The following NDST3 variants were observed in gnomAD, a reference collection of about 807,000 sequenced individuals.
NDST3 encodes bifunctional heparan sulfate N-deacetylase/N-sulfotransferase 3.
NDST3 carries 58 observed loss-of-function variants against 96.1 expected under a neutral mutation model. The observed-to-expected ratio is 0.60, with a 90% CI of 0.49 to 0.75. The LOEUF (loss-of-function observed/expected upper bound fraction) is 0.75, where lower values mean the gene tolerates loss of function less well. Among genes scored for constraint, NDST3 ranks in the 30% least tolerant of loss-of-function variants. NDST3 has a pLI of 0.00. For synonymous variants in NDST3, 333 were observed against 359.7 expected (o/e 0.93, Z 0.84); for missense variants, 788 against 1,034.2 (o/e 0.76, Z 3.27).
intron 6 of NDST3, chr4:118,193,368 G>A (rs1213378811): frequency 5.8e-6 from 3 of 514,196 alleles, no homozygotes; most frequent in African/African-American, 1.9e-5. Context: ...GGAGACGGGG[G>A]GCAGGCAGCC....
chr4:118,222,286 T>C (rs1459045613), intron 6 of NDST3, among the ~76,000 whole-genome samples: 3 of 151,972 alleles, frequency 2.0e-5, no homozygotes, highest in Non-Finnish European at 4.4e-5. Context: ...TTTTGTCAAT[T>C]ATGTTCCTTA....
At position 118,054,596 on chromosome 4, in the gene NDST3, C is replaced by T. The variant is rs1201449960; in HGVS notation, c.686C>T (p.Ala229Val). 4.3e-6 allele frequency: 7 copies of T among 1,613,150 alleles called. No homozygotes were observed. Among genetic ancestry groups the T allele is most frequent in the Non-Finnish European group, 5.9e-6 (7 of 1,179,476 alleles). The change falls in exon 2 of 14, where the codon GCC (alanine) becomes GTC (valine). Residue 229 changes from alanine (A) to valine (V), a missense_variant. Ala to Val is a moderately conservative substitution (Grantham distance 64, BLOSUM62 0). Coordinates refer to ENST00000296499, the MANE Select transcript of NDST3 (RefSeq NM_004784.3). ...ACAGTTTTTCAGATTAATCATTCAG[C>T]CTATCAACCAGTAATATTTGCCAAA... ...DWTVFQINHSAYQPVIFAKVK... is the reference protein window; with the variant it reads ...DWTVFQINHSVYQPVIFAKVK...
intron 2 of NDST3, among the ~76,000 whole-genome samples, chr4:118,058,939 A>G (rs886471206): frequency 2.0e-5 from 3 of 152,052 alleles, no homozygotes; most frequent in South Asian, 2.1e-4. Context: ...TTCATATAAC[A>G]TTTATCTCCC....
chr4:118,073,565 A>G lies in NDST3; in HGVS notation c.981+18674A>G, dbSNP rs187063673. Among the ~76,000 whole-genome samples the G allele has an allele frequency of 2.3e-3, 350 of 152,066 alleles. 2 individuals are homozygous for G. Among genetic ancestry groups the G allele is most frequent in the African/African-American group, 7.8e-3 (324 of 41,530 alleles). On this transcript the variant is annotated intron_variant, in intron 2 of 13. Coordinates refer to ENST00000296499, the MANE Select transcript of NDST3 (RefSeq NM_004784.3). ...TTTGTATTTCTGTGGAGTCAGTAGT[A>G]TTATCCACTTTGTGATTTCTGATTC...
At chr4:118,056,530 A>G (rs1725444259) in intron 2 of NDST3, among the ~76,000 whole-genome samples, 1 of 152,008 alleles carries the variant, frequency 6.6e-6, no homozygotes, top group South Asian at 2.1e-4. Context: ...TCTAAATTGC[A>G]TCTGTGATTG....
At chr4:118,058,628 TGTGTGTGCGCGCGCGCGC>T (rs1560612846) in intron 2 of NDST3, among the ~76,000 whole-genome samples, 1 of 101,222 alleles carries the variant, frequency 9.9e-6, no homozygotes, top group East Asian at 4.0e-4. Context: ...TGTGTGTGTG[TGTGTGTGCGCGCGCGCGC>T]ACGCATGCAT....
intron 2 of NDST3, among the ~76,000 whole-genome samples, chr4:118,095,508 T>C (rs1393311737): frequency 1.3e-5 from 2 of 151,526 alleles, no homozygotes; most frequent in Non-Finnish European, 2.9e-5. Flanking sequence ...TTAATAAAAT[T>C]CAGGAGAAAA....
chr4:118,205,885 T>C (rs1738408229), intron 6 of NDST3, among the ~76,000 whole-genome samples: 1 of 134,644 alleles, frequency 7.4e-6, no homozygotes, highest in African/African-American at 2.8e-5. Context: ...CAGGCTGGAG[T>C]GCAGTGCCGC....
chr4:118,191,390 C>T (rs1398636885), intron 6 of NDST3, among the ~76,000 whole-genome samples: 2 of 152,160 alleles, frequency 1.3e-5, no homozygotes, highest in Admixed American at 1.3e-4. Flanking sequence ...TTCAGGAAAG[C>T]CAGTTAAATT....
chr4:118,127,424 T>A (rs541869804), intron 4 of NDST3, among the ~76,000 whole-genome samples: 1 of 152,042 alleles, frequency 6.6e-6, no homozygotes, highest in Non-Finnish European at 1.5e-5. Context: ...ATCTAGTTTT[T>A]CAAGCACCAT....
chr4:118,037,054 G>T (rs1252176211), intron 1 of NDST3, among the ~76,000 whole-genome samples: 2 of 151,990 alleles, frequency 1.3e-5, no homozygotes, highest in Non-Finnish European at 2.9e-5. Flanking sequence ...GACTGGCTCT[G>T]CCAAGACAGG....
chr4:118,072,269 G>A lies in NDST3; in HGVS notation c.981+17378G>A, dbSNP rs375541985. On this transcript the variant is annotated intron_variant, in intron 2 of 13. Transcript: ENST00000296499. ...TTTTTTTTCTAATTCTGTGAAGAAT[G>A]TCATTGATAGTTTGATAGAAATAGC... Among the ~76,000 whole-genome samples the A allele has an allele frequency of 2.0e-4, 30 of 152,108 alleles. No homozygotes were observed. In the East Asian group the frequency reaches 5.8e-3, roughly 29 times the overall value.
intron 5 of NDST3, among the ~76,000 whole-genome samples, chr4:118,142,382 A>G (rs533174143): frequency 1.3e-5 from 2 of 152,156 alleles, no homozygotes; most frequent in Non-Finnish European, 2.9e-5. Flanking sequence ...TTATATAACC[A>G]GTATTATATA....
At chr4:118,088,226 G>A (rs1245546637) in intron 2 of NDST3, among the ~76,000 whole-genome samples, 1 of 151,928 alleles carries the variant, frequency 6.6e-6, no homozygotes, top group East Asian at 1.9e-4. Flanking sequence ...ATATTTTAAA[G>A]GATACCGTCT....
Position 118,039,271 on chromosome 4 carries a change from C to T in NDST3, c.-156+4679C>T, listed in dbSNP as rs550845274. ...TCTGATCAAGGTGGTCACTGCTATT[C>T]ACAATGTTTATATTATTGCCTTGAC... is the stretch of plus-strand genomic sequence containing the variant. On this transcript the variant is annotated intron_variant, in intron 1 of 13. Coordinates refer to ENST00000296499, the MANE Select transcript of NDST3 (RefSeq NM_004784.3). Among the ~76,000 whole-genome samples, 621 of 152,226 alleles carry T rather than the reference C, an allele frequency of 4.1e-3. 5 individuals carry two copies. The highest frequency in any genetic ancestry group is 8.2e-3 in the African/African-American group (342 of 41,522).
Position 118,207,531 on chromosome 4 carries a change from G to A in NDST3, c.1540-16960G>A, listed in dbSNP as rs1344101653. ...TTGGAGATTTATTGTTTCACCCAAA[G>A]TCACACAAGTGATGACACAGTAAAA... is the stretch of plus-strand genomic sequence containing the variant. On this transcript the variant is annotated intron_variant, in intron 6 of 13. Coordinates refer to ENST00000296499, the MANE Select transcript of NDST3 (RefSeq NM_004784.3). 4.1e-5 allele frequency among the ~76,000 whole-genome samples: 6 copies of A among 144,970 alleles called. 2 individuals are homozygous for A. The highest frequency in any genetic ancestry group is 7.7e-5 in the Non-Finnish European group (5 of 65,264).
intron 4 of NDST3, among the ~76,000 whole-genome samples, chr4:118,126,815 G>A (rs571152354): frequency 7.9e-5 from 12 of 152,046 alleles, no homozygotes; most frequent in Admixed American, 1.3e-4. Context: ...CACCAACAGC[G>A]TATAACGGTT....
At chr4:118,123,353 G>A (rs1731766052) in intron 4 of NDST3, among the ~76,000 whole-genome samples, 1 of 152,112 alleles carries the variant, frequency 6.6e-6, no homozygotes, top group South Asian at 2.1e-4. Flanking sequence ...TTAAATGTGT[G>A]TGCAAGTACT....
At chr4:118,240,806 G>T in intron 11 of NDST3, 112 bp downstream of exon 11, 2 of 1,009,550 alleles carry the variant, frequency 2.0e-6, no homozygotes, top group Non-Finnish European at 2.8e-6. Flanking sequence ...TTCCTCTTTA[G>T]TTGTAAATAA....
Sources: allele counts gnomAD v4.1 joint callset (sites outside exome capture counted in the v4.1 genomes callset), GRCh38; gene constraint gnomAD v4.1.1; transcripts MANE v1.5; gene names NCBI Gene and HGNC (gene_info 2026-07-23, HGNC 2026-07-21).